The following DPP10 variants were observed in gnomAD, a reference collection of about 807,000 sequenced individuals.
The protein encoded by DPP10 is dipeptidyl peptidase like 10.
In DPP10, 33 loss-of-function variants were observed where a neutral mutation model predicts 120.9. The ratio of observed to expected loss-of-function variants is 0.27; its 90% CI spans 0.21 to 0.37. DPP10 has a LOEUF of 0.37. Among genes scored for constraint, DPP10 ranks in the 10% least tolerant of loss-of-function variants. The probability of loss-of-function intolerance (pLI) is 1.00; values close to 1 mark genes in which losing one functional copy is unlikely to be tolerated. For missense variants in DPP10, 816 were observed against 942.8 expected (o/e 0.87, Z 1.76); for synonymous variants, 337 against 326.1 (o/e 1.03, Z -0.36).
At chr2:114,608,078 G>A (rs1441658826) in intron 1 of DPP10, among the ~76,000 whole-genome samples, 3 of 152,186 alleles carry the variant, frequency 2.0e-5, no homozygotes, top group Non-Finnish European at 2.9e-5. Context: ...TAAAGCCCTG[G>A]TCATTACTCC....
At chr2:115,162,908 C>T (rs1573847644) in intron 1 of DPP10, among the ~76,000 whole-genome samples, 1 of 152,040 alleles carries the variant, frequency 6.6e-6, no homozygotes, top group African/African-American at 2.4e-5. Flanking sequence ...CGCCGAGACA[C>T]CCTGGCGAGG....
rs533717022 is a variant in DPP10, at chr2:115,100,463, C to A, written c.61-208776C>A. Among the ~76,000 whole-genome samples, 549 of 151,752 alleles carry A rather than the reference C, an allele frequency of 3.6e-3. 5 individuals carry two copies. Among genetic ancestry groups the A allele is most frequent in the African/African-American group, 0.013 (527 of 41,332 alleles). ...GTGACCACGTCTAAATTAAAAAACA[C>A]ACACACACACACACACATATGAAAT... On this transcript the variant is annotated intron_variant, in intron 1 of 25. Transcript: ENST00000410059.
At chr2:114,928,082 G>C (rs1403989100) in intron 1 of DPP10, among the ~76,000 whole-genome samples, 2 of 152,174 alleles carry the variant, frequency 1.3e-5, no homozygotes, top group Non-Finnish European at 2.9e-5. Flanking sequence ...AACTTATGAG[G>C]TTTGGGGAGA....
chr2:115,321,928 C>T lies in DPP10; in HGVS notation c.175+12575C>T, dbSNP rs552619510. On this transcript the variant is annotated intron_variant, in intron 2 of 25. Transcript: ENST00000410059. ...ATTGATATTTTCTACTTTTTTCATACATTGTTATTCTGGTTTCCTTTAGCT... is the reference window on the plus strand; with the variant it reads ...ATTGATATTTTCTACTTTTTTCATATATTGTTATTCTGGTTTCCTTTAGCT... Among the ~76,000 whole-genome samples, 3 of 152,164 alleles carry T rather than the reference C, an allele frequency of 2.0e-5. No homozygotes were observed. The South Asian group carries it at 6.2e-4, about 32-fold the overall frequency.
intron 5 of DPP10, among the ~76,000 whole-genome samples, chr2:115,610,194 A>G (rs1324679784): frequency 2.0e-5 from 3 of 152,052 alleles, no homozygotes; most frequent in Non-Finnish European, 4.4e-5. Flanking sequence ...GCAAGCACAT[A>G]CTACTGTTGG....
chr2:114,551,629 G>A (rs1246862955), intron 1 of DPP10, among the ~76,000 whole-genome samples: 3 of 152,132 alleles, frequency 2.0e-5, no homozygotes, highest in South Asian at 2.1e-4. Flanking sequence ...AGCTGGCTGC[G>A]GTTTGACACA....
At chr2:115,835,455 AAG>A (rs141321713) in intron 21 of DPP10, among the ~76,000 whole-genome samples, 1 of 151,632 alleles carries the variant, frequency 6.6e-6, no homozygotes, top group South Asian at 2.1e-4. Flanking sequence ...GAGGGAGAGA[AAG>A]AGAGAGAGAG....
At chr2:114,518,234 C>A (rs991647788) in intron 1 of DPP10, among the ~76,000 whole-genome samples, 1 of 151,956 alleles carries the variant, frequency 6.6e-6, no homozygotes. Flanking sequence ...CCCACCACCA[C>A]GCCTGGCTAA....
At chr2:115,508,667 G>A (rs1425250614) in intron 4 of DPP10, among the ~76,000 whole-genome samples, 1 of 152,174 alleles carries the variant, frequency 6.6e-6, no homozygotes, top group Non-Finnish European at 1.5e-5. Context: ...CACTTTGGGA[G>A]CCTGAGGCAG....
chr2:114,778,265 A>G (rs923716715), intron 1 of DPP10, among the ~76,000 whole-genome samples: 2 of 152,152 alleles, frequency 1.3e-5, no homozygotes, highest in East Asian at 3.9e-4. Context: ...AATGCAAGTT[A>G]CTAAAGTATA....
chr2:115,629,061 C>T (rs1426113211), intron 5 of DPP10, among the ~76,000 whole-genome samples: 5 of 152,000 alleles, frequency 3.3e-5, no homozygotes, highest in Admixed American at 6.6e-5. Context: ...TGAGAACATG[C>T]GGTGTTTGGT....
intron 7 of DPP10, among the ~76,000 whole-genome samples, chr2:115,711,720 T>C (rs928339147): frequency 3.3e-5 from 5 of 152,132 alleles, no homozygotes; most frequent in Non-Finnish European, 7.4e-5. Flanking sequence ...GATGAGTTTG[T>C]TCTTACTGCT....
intron 1 of DPP10, among the ~76,000 whole-genome samples, chr2:115,115,835 TG>T (rs1357944228): frequency 8.5e-5 from 13 of 152,184 alleles, no homozygotes. Context: ...TTCATGGTGA[TG>T]TTAATTAGCA....
chr2:115,334,230 GTTTTTTTTTT>G, intron 2 of DPP10, among the ~76,000 whole-genome samples: 1 of 56,412 alleles, frequency 1.8e-5, no homozygotes, highest in Non-Finnish European at 4.0e-5. Context: ...AGCAGACTCT[GTTTTTTTTTT>G]TTTTTTAAGA....
chr2:114,484,187 G>A (rs777254825), intron 1 of DPP10, among the ~76,000 whole-genome samples: 3 of 152,148 alleles, frequency 2.0e-5, no homozygotes, highest in Non-Finnish European at 2.9e-5. Flanking sequence ...TTCATGTCCT[G>A]GATCGAACTT....
Position 115,171,206 on chromosome 2 carries a change from CA to C in DPP10, c.61-138028del, listed in dbSNP as rs200340618. Among the ~76,000 whole-genome samples, 1,038 of 151,776 alleles carry C rather than the reference CA, an allele frequency of 6.8e-3. 9 individuals carry two copies. Among genetic ancestry groups the C allele is most frequent in the African/African-American group, 0.024 (993 of 41,426 alleles). On this transcript the variant is annotated intron_variant, in intron 1 of 25. Coordinates refer to ENST00000410059, the MANE Select transcript of DPP10 (RefSeq NM_020868.6). ...TGAAACCTTGTCTCTACTAAAAATACAAAAATTAGCCAGGTGTGGTGCCACA... is the reference window on the plus strand; with the variant it reads ...TGAAACCTTGTCTCTACTAAAAATACAAAATTAGCCAGGTGTGGTGCCACA...
intron 11 of DPP10, among the ~76,000 whole-genome samples, chr2:115,758,695 G>T (rs1679734333): frequency 6.6e-6 from 1 of 151,962 alleles, no homozygotes; most frequent in Non-Finnish European, 1.5e-5. Flanking sequence ...CTGATTTCAA[G>T]AATAAATAAA....
At chr2:115,031,797 C>G (rs995338988) in intron 1 of DPP10, among the ~76,000 whole-genome samples, 11 of 152,022 alleles carry the variant, frequency 7.2e-5, no homozygotes, top group African/African-American at 2.7e-4. Flanking sequence ...TTTTCTTCAT[C>G]TCAGGTTTCA....
At chr2:115,458,071 C>T (rs899148652) in intron 3 of DPP10, among the ~76,000 whole-genome samples, 9 of 152,090 alleles carry the variant, frequency 5.9e-5, no homozygotes, top group Admixed American at 4.6e-4. Context: ...TTGTATGATT[C>T]CATTCAAATG....
Sources: gnomAD v4.1 joint callset for allele counts (sites outside exome capture counted in the v4.1 genomes callset) on GRCh38, gnomAD v4.1.1 for gene constraint, MANE v1.5 for transcripts, NCBI Gene and HGNC (gene_info 2026-07-23, HGNC 2026-07-21) for gene names.